Variants in MEGF10 observed in about 807,000 individuals in gnomAD.
MEGF10 encodes multiple epidermal growth factor-like domains protein 10.
MEGF10 carries 86 observed loss-of-function variants against 147.5 expected under a neutral mutation model. That is an observed-to-expected ratio of 0.58 (90% CI 0.49 to 0.70). The LOEUF (loss-of-function observed/expected upper bound fraction) is 0.70, where lower values mean the gene tolerates loss of function less well. Ranked by LOEUF, MEGF10 falls within the 30% of genes least tolerant of loss-of-function variation. The pLI is 0.00. For synonymous variants in MEGF10, 478 were observed against 525.5 expected, an observed-to-expected ratio of 0.91 and a Z score of 1.24; for missense variants, 1,329 against 1,487.3, an observed-to-expected ratio of 0.89 and a Z score of 1.75.
intron 18 of MEGF10, among the ~76,000 whole-genome samples, chr5:127,442,376 C>T (rs976880420): frequency 1.3e-5 from 2 of 152,188 alleles, no homozygotes; most frequent in African/African-American, 4.8e-5. Context: ...CTTTGAAATT[C>T]ATGCCTAACT....
chr5:127,457,544 T>C lies in MEGF10; in HGVS notation c.*226T>C, dbSNP rs2127050138. The C allele has an allele frequency of 1.9e-6, 1 of 513,974 alleles. No homozygotes were observed. The highest frequency in any genetic ancestry group is 2.9e-5 in the South Asian group (1 of 34,052). The allele number at this position is 513,974 out of a possible 1,614,324, so 31.8% of individuals were successfully genotyped here. On this transcript the variant is annotated 3_prime_UTR_variant, in exon 25 of 25. Coordinates refer to ENST00000503335, the MANE Select transcript of MEGF10 (RefSeq NM_001256545.2). ...TGTGATTTCCCATTGCTGTTAGTTT[T>C]AGAACTATACCCGTGAAGCATGACT...
chr5:127,255,888 G>A, the MEGF10 span, among the ~76,000 whole-genome samples: 1 of 152,098 alleles, frequency 6.6e-6, no homozygotes, highest in Non-Finnish European at 1.5e-5. Flanking sequence ...CCTCTTTCAT[G>A]GTTTACAACC....
intron 5 of MEGF10, among the ~76,000 whole-genome samples, chr5:127,386,556 A>C (rs1160567600): frequency 6.6e-6 from 1 of 152,220 alleles, no homozygotes; most frequent in Non-Finnish European, 1.5e-5. Context: ...AAAAGACTAA[A>C]TGTAAAGTAG....
At chr5:127,378,605 A>G (rs1466094933) in intron 5 of MEGF10, among the ~76,000 whole-genome samples, 5 of 152,082 alleles carry the variant, frequency 3.3e-5, no homozygotes, top group Non-Finnish European at 7.4e-5. Flanking sequence ...GGCACACACC[A>G]CCAAACCCAG....
intron 13 of MEGF10, among the ~76,000 whole-genome samples, chr5:127,423,010 G>A (rs1322187867): frequency 6.6e-6 from 1 of 152,174 alleles, no homozygotes; most frequent in Non-Finnish European, 1.5e-5. Flanking sequence ...ATTCAGGCCA[G>A]CAAGATGGGG....
At chr5:127,370,102 A>T (rs1307556496) in intron 5 of MEGF10, 100 bp downstream of exon 5, 2 of 822,768 alleles carry the variant, frequency 2.4e-6, no homozygotes, top group Admixed American at 4.6e-5. Context: ...CTTCATCCCT[A>T]CACAGAGCAT....
intron 1 of MEGF10, among the ~76,000 whole-genome samples, chr5:127,306,858 T>G (rs575097576): frequency 3.9e-4 from 59 of 152,170 alleles, no homozygotes; most frequent in African/African-American, 1.2e-3. Context: ...TTGTGGGGGG[T>G]GGTGGAATCA....
chr5:127,375,953 G>A (rs1385441390), intron 5 of MEGF10, among the ~76,000 whole-genome samples: 1 of 152,230 alleles, frequency 6.6e-6, no homozygotes, highest in African/African-American at 2.4e-5. Flanking sequence ...GAACAAATGA[G>A]TAATGGTTGC....
intron 1 of MEGF10, among the ~76,000 whole-genome samples, chr5:127,300,559 T>C (rs1295570702): frequency 6.6e-6 from 1 of 152,200 alleles, no homozygotes; most frequent in East Asian, 1.9e-4. Flanking sequence ...ATGTTCAGTT[T>C]GTGAAAACTT....
the MEGF10 span, among the ~76,000 whole-genome samples, chr5:127,251,828 A>G: frequency 1.3e-5 from 2 of 152,164 alleles, no homozygotes; most frequent in Non-Finnish European, 2.9e-5. Flanking sequence ...AAACTTCTGC[A>G]TGCAAAAGAC....
At chr5:127,305,021 A>T (rs531221307) in intron 1 of MEGF10, among the ~76,000 whole-genome samples, 1 of 152,212 alleles carries the variant, frequency 6.6e-6, no homozygotes, top group Admixed American at 6.5e-5. Flanking sequence ...TTGTGGACCT[A>T]ATTTCAAGAT....
rs1282908792 is a variant in MEGF10 at position 127,460,303 on chromosome 5, G to A, written c.*2985G>A. Reference sequence around the variant, plus strand: ...TGATAACTCATGTTTGCTTTAATAAGGAAAATATGTTATTTGAGGTTAATT... The same window carrying A: ...TGATAACTCATGTTTGCTTTAATAAAGAAAATATGTTATTTGAGGTTAATT... On this transcript the variant is annotated 3_prime_UTR_variant, in exon 25 of 25. Transcript: ENST00000503335. The A allele has an allele frequency of 6.6e-6, 1 of 152,100 alleles. No individual in the cohort carries two copies. Among genetic ancestry groups the A allele is most frequent in the Non-Finnish European group, 1.5e-5 (1 of 68,006 alleles). 9.4% of individuals were successfully genotyped at this position (152,100 alleles called of 1,614,324 possible).
chr5:127,258,140 G>A, the MEGF10 span, among the ~76,000 whole-genome samples: 1 of 152,138 alleles, frequency 6.6e-6, no homozygotes, highest in Non-Finnish European at 1.5e-5. Flanking sequence ...TGCTTGCATA[G>A]CAAATTCTCT....
At chr5:127,325,911 T>TA (rs1761011004) in intron 1 of MEGF10, among the ~76,000 whole-genome samples, 2 of 117,604 alleles carry the variant, frequency 1.7e-5, no homozygotes, top group Non-Finnish European at 3.6e-5. Flanking sequence ...ATATATATAT[T>TA]TTTTTTTTTT....
intron 12 of MEGF10, among the ~76,000 whole-genome samples, chr5:127,421,215 T>C (rs563314825): frequency 8.1e-4 from 123 of 152,348 alleles, no homozygotes; most frequent in Non-Finnish European, 1.1e-3. Context: ...TCGTCCTTTT[T>C]CATACCTTAG....
chr5:127,266,477 T>C, the MEGF10 span, among the ~76,000 whole-genome samples: 10 of 152,348 alleles, frequency 6.6e-5, no homozygotes, highest in Non-Finnish European at 1.2e-4. Context: ...GGTAGCTTGA[T>C]GGCGATGGCG....
chr5:127,349,026 A>G (rs1169108650), intron 4 of MEGF10, among the ~76,000 whole-genome samples: 1 of 152,166 alleles, frequency 6.6e-6, no homozygotes, highest in Non-Finnish European at 1.5e-5. Flanking sequence ...TCAAAAAAAA[A>G]TTTGTATTAG....
intron 1 of MEGF10, among the ~76,000 whole-genome samples, chr5:127,306,023 C>T (rs550895384): frequency 6.6e-6 from 1 of 152,320 alleles, no homozygotes; most frequent in South Asian, 2.1e-4. Flanking sequence ...TTCTAGAGTT[C>T]AGGTGTGGCA....
the MEGF10 span, among the ~76,000 whole-genome samples, chr5:127,234,846 T>G: frequency 6.6e-6 from 1 of 152,034 alleles, no homozygotes; most frequent in South Asian, 2.1e-4. Context: ...CCATATCTTT[T>G]TTTTTTTCTT....
Sources: gnomAD v4.1 joint callset for allele counts (sites outside exome capture counted in the v4.1 genomes callset) on GRCh38, gnomAD v4.1.1 for gene constraint, MANE v1.5 for transcripts, NCBI Gene and HGNC (gene_info 2026-07-23, HGNC 2026-07-21) for gene names.